OR8B4: variants seen among roughly 807,000 people sequenced by gnomAD.
OR8B4 encodes olfactory receptor 8B4.
A neutral mutation model predicts 1.3 loss-of-function variants in OR8B4; 3 were observed. The ratio of observed to expected loss-of-function variants is 2.37; its 90% CI spans 1.08 to 6.13. OR8B4 has a LOEUF of 6.13. Ranked by LOEUF, OR8B4 falls within the 30% of genes most tolerant of loss-of-function variation. The pLI, the probability that OR8B4 is intolerant of heterozygous loss-of-function variation, is 0.02. For missense variants in OR8B4, 360 were observed against 368.9 expected (o/e 0.98, Z 0.20); for synonymous variants, 139 against 144.2 (o/e 0.96, Z 0.26).
Position 124,424,535 on chromosome 11 carries a change from C to G in OR8B4, c.337G>C (p.Val113Leu), listed in dbSNP as rs1861292361. The change falls in exon 1 of 1, where the codon GTG becomes CTG. Residue 113 changes from valine to leucine, a missense_variant. Coordinates refer to ENST00000356130, the MANE Select transcript of OR8B4 (RefSeq NM_001005196.1). The stretch of plus-strand genomic sequence containing the variant: ...CGATCATAGGCCATTGATACCAACA[C>G]ATAGCACTCAGAATTGACAAAGAAA... The part of the protein sequence containing the change: ...FCFFVNSECY[V>L]LVSMAYDRYV... 6.2e-7 allele frequency: 1 copy of G among 1,614,084 alleles called. No homozygotes were observed. The highest frequency in any genetic ancestry group is 1.1e-5 in the South Asian group (1 of 91,074).
chr11:124,424,833 G>C lies in OR8B4; in HGVS notation c.39C>G (p.Ile13Met), dbSNP rs151066825. The stretch of plus-strand genomic sequence containing the variant: ...CTGGCTGTTCTGATAATCCCACAAG[G>C]ATAAACTCAGTCACTGAGGAGCTGT... ...LRNSSSVTEF[I>M]LVGLSEQPEL... The change falls in exon 1 of 1, where the codon ATC becomes ATG. Residue 13 changes from isoleucine (I) to methionine (M), a missense_variant. Ile to Met is a conservative substitution (Grantham distance 10). Coordinates refer to ENST00000356130, the MANE Select transcript of OR8B4 (RefSeq NM_001005196.1). 195 of 1,613,416 alleles carry C rather than the reference G, an allele frequency of 1.2e-4. No individual in the cohort carries two copies. Among genetic ancestry groups the C allele is most frequent in the Non-Finnish European group, 1.6e-4 (183 of 1,179,872 alleles).
rs770121375 is a variant in OR8B4 at position 124,424,834 on chromosome 11, A to T, written c.38T>A (p.Ile13Asn). 2 of 1,613,612 alleles carry T rather than the reference A, an allele frequency of 1.2e-6. No homozygotes were observed. Among genetic ancestry groups the T allele is most frequent in the South Asian group, 2.2e-5 (2 of 91,048 alleles). ...LRNSSSVTEFILVGLSEQPEL... is the reference protein window; with the variant it reads ...LRNSSSVTEFNLVGLSEQPEL... ...TGGCTGTTCTGATAATCCCACAAGG[A>T]TAAACTCAGTCACTGAGGAGCTGTT... Residue 13 changes from isoleucine to asparagine, a missense_variant, in exon 1 of 1, where the codon ATC becomes AAC. Ile to Asn is a moderately radical substitution (Grantham distance 149). Coordinates refer to ENST00000356130, the MANE Select transcript of OR8B4 (RefSeq NM_001005196.1).
chr11:124,424,326 G>T lies in OR8B4; in HGVS notation c.546C>A (p.Pro182=), dbSNP rs768513203. 1.9e-6 allele frequency: 3 copies of T among 1,614,048 alleles called. No individual in the cohort carries two copies. The highest frequency in any genetic ancestry group is 2.7e-5 in the African/African-American group (2 of 75,030). The change falls in exon 1 of 1, where the codon CCC becomes CCA. Residue 182 remains proline (P), a synonymous_variant. Transcript: ENST00000356130. The part of the protein sequence containing the change: ...VIDHYLCDVL[P]LLQLSCTSTH... ...TGCTGGTGCAGGAGAGCTGCAAGAG[G>T]GGGAGAACGTCACACAGATAATGGT... is the stretch of plus-strand genomic sequence containing the variant.
Position 124,423,980 on chromosome 11 carries a change from G to C in OR8B4, c.892C>G (p.Leu298Val). Residue 298 changes from leucine (L) to valine (V), a missense_variant, in exon 1 of 1, where the codon CTT becomes GTT. Leu to Val is a conservative substitution (Grantham distance 32). Transcript: ENST00000356130. ...CTCTTCAGGGTTTTGCCCAGGGCAA[G>C]TTTATCATCCTTATTCCTCAAACTG... Reference protein sequence around the residue: ...IYSLRNKDDKLALGKTLKRVL... With the variant: ...IYSLRNKDDKVALGKTLKRVL... 1.9e-6 allele frequency: 3 copies of C among 1,614,178 alleles called. No homozygotes were observed. Among genetic ancestry groups the C allele is most frequent in the Non-Finnish European group, 2.5e-6 (3 of 1,180,006 alleles).
In OR8B4 at chr11:124,424,283, C is replaced by A. The variant is rs1861288848; in HGVS notation, c.589G>T (p.Val197Leu). ...ATTACTCCAACAACAATGAAAAATA[C>A]CAGCTCACTGACATGGGTGCTGGTG... ...SCTSTHVSEL[V>L]FFIVVGVITM... is the part of the protein sequence containing the mutation. The change falls in exon 1 of 1, where the codon GTA becomes TTA. Residue 197 changes from valine (V) to leucine (L), a missense_variant. Transcript: ENST00000356130. The A allele has an allele frequency of 6.2e-7, 1 of 1,614,040 alleles. No individual in the cohort carries two copies. The highest frequency in any genetic ancestry group is 8.5e-7 in the Non-Finnish European group (1 of 1,179,970).
rs1458347074 is a variant in OR8B4 at position 124,424,127 on chromosome 11, G to A, written c.745C>T (p.Leu249=). Residue 249 remains leucine (L), a synonymous_variant, in exon 1 of 1, where the codon CTG becomes TTG. Coordinates refer to ENST00000356130, the MANE Select transcript of OR8B4 (RefSeq NM_001005196.1). Reference sequence around the variant, plus strand: ...GTGAATGTCCCTGACCCAAAAAACAGAGCAACAGCAATTATGTGGGAGCCC... The same window carrying A: ...GTGAATGTCCCTGACCCAAAAAACAAAGCAACAGCAATTATGTGGGAGCCC... ...TWGSHIIAVA[L]FFGSGTFTYL... 6.2e-6 allele frequency: 10 copies of A among 1,614,104 alleles called. No homozygotes were observed. Among genetic ancestry groups the A allele is most frequent in the African/African-American group, 1.3e-5 (1 of 74,950 alleles).
At position 124,423,945 on chromosome 11, in the gene OR8B4, G is replaced by A; in HGVS notation, c.927C>T (p.Phe309=). The change falls in exon 1 of 1, where the codon TTC becomes TTT. Residue 309 remains phenylalanine, a synonymous_variant. Transcript: ENST00000356130. ...GCCAGTGATATGAAGAGACCCATTA[G>A]AAGAGCACTCTCTTCAGGGTTTTGC... ...ALGKTLKRVL[F] is the part of the protein sequence containing the mutation. The A allele has an allele frequency of 6.2e-7, 1 of 1,605,834 alleles. No homozygotes were observed. The highest frequency in any genetic ancestry group is 8.5e-7 in the Non-Finnish European group (1 of 1,172,670).
Position 124,424,814 on chromosome 11 carries a change from G to C in OR8B4, c.58C>G (p.Gln20Glu), listed in dbSNP as rs757082583. Reference protein sequence around the residue: ...TEFILVGLSEQPELQLPLFLL... With the variant: ...TEFILVGLSEEPELQLPLFLL... The stretch of plus-strand genomic sequence containing the variant: ...AAAAGAGGGAGCTGGAGCTCTGGCT[G>C]TTCTGATAATCCCACAAGGATAAAC... The change falls in exon 1 of 1, where the codon CAG (glutamine) becomes GAG (glutamate). Residue 20 changes from glutamine (Q) to glutamate (E), a missense_variant. Gln to Glu is a conservative substitution (Grantham distance 29). Coordinates refer to ENST00000356130, the MANE Select transcript of OR8B4 (RefSeq NM_001005196.1). The C allele has an allele frequency of 2.0e-5, 32 of 1,613,612 alleles. No individual in the cohort carries two copies. The highest frequency in any genetic ancestry group is 2.5e-5 in the Non-Finnish European group (30 of 1,179,864).
Position 124,424,472 on chromosome 11 carries a change from T to G in OR8B4, c.400A>C (p.Thr134Pro). 1 of 1,614,098 alleles carries G rather than the reference T, an allele frequency of 6.2e-7. No homozygotes were observed. Among genetic ancestry groups the G allele is most frequent in the Non-Finnish European group, 8.5e-7 (1 of 1,180,004 alleles). ...AICNPLLYMV[T>P]MSPRVCFLLM... ...AGAAAGCAGACCCTTGGGGACATGG[T>G]GACCATGTAGAGCAGGGGGTTGCAG... is the stretch of plus-strand genomic sequence containing the variant. Residue 134 changes from threonine (T) to proline (P), a missense_variant, in exon 1 of 1, where the codon ACC becomes CCC. By Grantham distance (38) the Thr-to-Pro change is conservative. Coordinates refer to ENST00000356130, the MANE Select transcript of OR8B4 (RefSeq NM_001005196.1).
chr11:124,424,010 T>C lies in OR8B4; in HGVS notation c.862A>G (p.Ile288Val). The C allele has an allele frequency of 6.2e-7, 1 of 1,614,118 alleles. No homozygotes were observed. Among genetic ancestry groups the C allele is most frequent in the Non-Finnish European group, 8.5e-7 (1 of 1,180,018 alleles). ...TNVVPMLNPSIYSLRNKDDKL... is the reference protein window; with the variant it reads ...TNVVPMLNPSVYSLRNKDDKL... ...TCATCCTTATTCCTCAAACTGTAGATCGAAGGGTTAAGCATGGGAACCACA... is the reference window on the plus strand; with the variant it reads ...TCATCCTTATTCCTCAAACTGTAGACCGAAGGGTTAAGCATGGGAACCACA... The change falls in exon 1 of 1, where the codon ATC becomes GTC. Residue 288 changes from isoleucine to valine, a missense_variant. Physicochemically the swap from Ile to Val is conservative, Grantham distance 29. Coordinates refer to ENST00000356130, the MANE Select transcript of OR8B4 (RefSeq NM_001005196.1).
chr11:124,424,823 A>T lies in OR8B4; in HGVS notation c.49T>A (p.Leu17Ile). 6.2e-7 allele frequency: 1 copy of T among 1,613,836 alleles called. No individual in the cohort carries two copies. Among genetic ancestry groups the T allele is most frequent in the Non-Finnish European group, 8.5e-7 (1 of 1,179,936 alleles). Reference protein sequence around the residue: ...SSVTEFILVGLSEQPELQLPL... With the variant: ...SSVTEFILVGISEQPELQLPL... The stretch of plus-strand genomic sequence containing the variant: ...AGCTGGAGCTCTGGCTGTTCTGATA[A>T]TCCCACAAGGATAAACTCAGTCACT... Residue 17 changes from leucine to isoleucine, a missense_variant, in exon 1 of 1, where the codon TTA becomes ATA. Coordinates refer to ENST00000356130, the MANE Select transcript of OR8B4 (RefSeq NM_001005196.1).
Position 124,424,815 on chromosome 11 carries a change from T to A in OR8B4, c.57A>T (p.Glu19Asp). Residue 19 changes from glutamate to aspartate, a missense_variant, in exon 1 of 1, where the codon GAA becomes GAT. Transcript: ENST00000356130. ...VTEFILVGLS[E>D]QPELQLPLFL... ...AAAGAGGGAGCTGGAGCTCTGGCTG[T>A]TCTGATAATCCCACAAGGATAAACT... The A allele has an allele frequency of 6.2e-7, 1 of 1,613,860 alleles. No individual in the cohort carries two copies. Among genetic ancestry groups the A allele is most frequent in the Middle Eastern group, 1.7e-4 (1 of 6,058 alleles).
Position 124,424,359 on chromosome 11 carries a change from G to T in OR8B4, c.513C>A (p.Asn171Lys), listed in dbSNP as rs146995996. 1 of 1,613,944 alleles carries T rather than the reference G, an allele frequency of 6.2e-7. No homozygotes were observed. The highest frequency in any genetic ancestry group is 8.5e-7 in the Non-Finnish European group (1 of 1,179,998). Residue 171 changes from asparagine to lysine, a missense_variant, in exon 1 of 1, where the codon AAC becomes AAA. Asn to Lys is a moderately conservative substitution (Grantham distance 94, BLOSUM62 0). Transcript: ENST00000356130. ...CGTCACACAGATAATGGTCAATGAC[G>T]TTGGAATCACAGAAGGTCAGTCGCA... ...SMLRLTFCDS[N>K]VIDHYLCDVL...
Position 124,424,126 on chromosome 11 carries a change from A to G in OR8B4, c.746T>C (p.Leu249Pro). The G allele has an allele frequency of 1.9e-6, 3 of 1,614,252 alleles. No homozygotes were observed. The highest frequency in any genetic ancestry group is 2.5e-6 in the Non-Finnish European group (3 of 1,180,034). The stretch of plus-strand genomic sequence containing the variant: ...GGTGAATGTCCCTGACCCAAAAAAC[A>G]GAGCAACAGCAATTATGTGGGAGCC... Reference protein sequence around the residue: ...TWGSHIIAVALFFGSGTFTYL... With the variant: ...TWGSHIIAVAPFFGSGTFTYL... The change falls in exon 1 of 1, where the codon CTG becomes CCG. Residue 249 changes from leucine (L) to proline (P), a missense_variant. Physicochemically the swap from Leu to Pro is moderately conservative, Grantham distance 98. Coordinates refer to ENST00000356130, the MANE Select transcript of OR8B4 (RefSeq NM_001005196.1).
chr11:124,424,819 G>A lies in OR8B4; in HGVS notation c.53C>T (p.Ser18Leu), dbSNP rs778997504. The change falls in exon 1 of 1, where the codon TCA becomes TTA. Residue 18 changes from serine to leucine, a missense_variant. Ser to Leu is a moderately radical substitution (Grantham distance 145). Coordinates refer to ENST00000356130, the MANE Select transcript of OR8B4 (RefSeq NM_001005196.1). Reference sequence around the variant, plus strand: ...AGGGAGCTGGAGCTCTGGCTGTTCTGATAATCCCACAAGGATAAACTCAGT... The same window carrying A: ...AGGGAGCTGGAGCTCTGGCTGTTCTAATAATCCCACAAGGATAAACTCAGT... ...SVTEFILVGL[S>L]EQPELQLPLF... 14 of 1,613,594 alleles carry A rather than the reference G, an allele frequency of 8.7e-6. No individual in the cohort carries two copies. In the African/African-American group the frequency reaches 1.9e-4, roughly 22 times the overall value.
Position 124,424,707 on chromosome 11 carries a change from A to G in OR8B4, c.165T>C (p.Leu55=), listed in dbSNP as rs757280839. The G allele has an allele frequency of 1.5e-5, 24 of 1,614,024 alleles. No homozygotes were observed. Among genetic ancestry groups the G allele is most frequent in the Non-Finnish European group, 2.0e-5 (24 of 1,180,028 alleles). Reference sequence around the variant, plus strand: ...AGAGGAAAAAGTACATGGGGGTGTGAAGGCTAGGATTTATCCCAATTAAGG... The same window carrying G: ...AGAGGAAAAAGTACATGGGGGTGTGGAGGCTAGGATTTATCCCAATTAAGG... The part of the protein sequence containing the change: ...LITLIGINPS[L]HTPMYFFLFN... The change falls in exon 1 of 1, where the codon CTT becomes CTC. Residue 55 remains leucine, a synonymous_variant. Coordinates refer to ENST00000356130, the MANE Select transcript of OR8B4 (RefSeq NM_001005196.1).
At position 124,424,721 on chromosome 11, in the gene OR8B4, TC is replaced by T. The variant is rs768154634; in HGVS notation, c.150del (p.Ile51Ter). 54 of 1,614,100 alleles carry T rather than the reference TC, an allele frequency of 3.3e-5. No homozygotes were observed. The South Asian group carries it at 3.4e-4, about 10-fold the overall frequency. On this transcript the variant is annotated frameshift_variant, in exon 1 of 1. Coordinates refer to ENST00000356130, the MANE Select transcript of OR8B4 (RefSeq NM_001005196.1). LOFTEE classifies it low-confidence loss of function (END_TRUNC). The stretch of plus-strand genomic sequence containing the variant: ...ATGGGGGTGTGAAGGCTAGGATTTA[TC>T]CCAATTAAGGTGATCAAGCCCAAGT... ...VGNLGLITLI[G>X]INPSLHTPMY...
Position 124,424,597 on chromosome 11 carries a change from G to T in OR8B4, c.275C>A (p.Ser92Tyr). 1 of 1,614,148 alleles carries T rather than the reference G, an allele frequency of 6.2e-7. No homozygotes were observed. The highest frequency in any genetic ancestry group is 1.6e-4 in the Middle Eastern group (1 of 6,062). Residue 92 changes from serine (S) to tyrosine (Y), a missense_variant, in exon 1 of 1, where the codon TCT becomes TAT. By Grantham distance (144) the Ser-to-Tyr change is moderately radical. Coordinates refer to ENST00000356130, the MANE Select transcript of OR8B4 (RefSeq NM_001005196.1). ...TAGCTGAGTCATACATCCCACATAA[G>T]AGATGATACTTTCTGAAACAAAGTC... Reference protein sequence around the residue: ...LNDFVSESIISYVGCMTQLFF... With the variant: ...LNDFVSESIIYYVGCMTQLFF...
In OR8B4 at chr11:124,424,537, T is replaced by C. The variant is rs1364015059; in HGVS notation, c.335A>G (p.Tyr112Cys). ...ATCATAGGCCATTGATACCAACACA[T>C]AGCACTCAGAATTGACAAAGAAACA... ...FFCFFVNSEC[Y>C]VLVSMAYDRY... The change falls in exon 1 of 1, where the codon TAT becomes TGT. Residue 112 changes from tyrosine to cysteine, a missense_variant. By Grantham distance (194) the Tyr-to-Cys change is radical (BLOSUM62 -2). Transcript: ENST00000356130. 6.2e-7 allele frequency: 1 copy of C among 1,613,952 alleles called. No homozygotes were observed. Among genetic ancestry groups the C allele is most frequent in the Non-Finnish European group, 8.5e-7 (1 of 1,180,002 alleles).
Sources: allele counts gnomAD v4.1 joint callset, GRCh38; gene constraint gnomAD v4.1.1; transcripts MANE v1.5; gene names NCBI Gene and HGNC (gene_info 2026-07-23, HGNC 2026-07-21).